USF3: variants seen among roughly 807,000 people sequenced by gnomAD.
USF3 encodes the protein basic helix-loop-helix domain-containing protein USF3.
USF3 carries 29 observed loss-of-function variants against 157.5 expected under a neutral mutation model. The observed-to-expected ratio is 0.18, with a 90% confidence interval of 0.14 to 0.25. The LOEUF (loss-of-function observed/expected upper bound fraction) is 0.25, where lower values mean the gene tolerates loss of function less well. USF3 is among the 10% of genes least tolerant of loss of function. The pLI, the probability that USF3 is intolerant of heterozygous loss-of-function variation, is 1.00. For missense variants in USF3, 2,381 were observed against 2,667.6 expected (o/e 0.89, Z 2.37); for synonymous variants, 893 against 941.4 (o/e 0.95, Z 0.94).
chr3:113,654,957 C>A lies in USF3; in HGVS notation c.6725G>T (p.Ser2242Ile), dbSNP rs753382874. The A allele has an allele frequency of 3.1e-6, 5 of 1,608,696 alleles. No individual in the cohort carries two copies. The highest frequency in any genetic ancestry group is 4.2e-6 in the Non-Finnish European group (5 of 1,176,924). Residue 2242 changes from serine to isoleucine, a missense_variant, in exon 7 of 7, where the codon AGT (serine) becomes ATT (isoleucine). Ser to Ile is a moderately radical substitution (Grantham distance 142). This residue lies in a region of USF3 where 20 missense variants were observed against 36.6 expected (regional missense o/e 0.55). Coordinates refer to ENST00000316407, the MANE Select transcript of USF3 (RefSeq NM_001009899.4). ...NISHILGHDCSSAV is the reference protein window; with the variant it reads ...NISHILGHDCISAV ...GTTTATCAGTATTTAAACAGCTGAA[C>A]TGCAATCATGACCTAGAATATGGCT... is the stretch of plus-strand genomic sequence containing the variant.
chr3:113,673,245 A>G (rs938103463), intron 4 of USF3, 103 bp downstream of exon 4: 5 of 775,888 alleles, frequency 6.4e-6, no homozygotes, highest in Non-Finnish European at 1.1e-5. Context: ...AACATAATGA[A>G]TAATGATTCC....
chr3:113,687,267 C>CACACACA lies in USF3; in HGVS notation c.-135+9102_-135+9103insTGTGTGT, dbSNP rs373264306. ...CACACACACACACACACACACACAC[C>CACACACA]CCCTTTCTAGTACTTCCTTACTTTT... On this transcript the variant is annotated intron_variant, in intron 1 of 6. Transcript: ENST00000316407. 7.9e-3 allele frequency among the ~76,000 whole-genome samples: 1,115 copies of CACACACA among 141,382 alleles called. 6 individuals carry two copies. Among genetic ancestry groups the CACACACA allele is most frequent in the African/African-American group, 0.016 (561 of 34,278 alleles). 92.8% of individuals were successfully genotyped at this position (141,382 alleles called of 152,430 possible).
At chr3:113,677,439 T>C (rs1228672654) in intron 1 of USF3, 42 bp from the exon 2 acceptor site, 2 of 152,198 alleles carry the variant, frequency 1.3e-5, no homozygotes, top group African/African-American at 4.8e-5. Flanking sequence ...AGTTGCTAGG[T>C]GTCCATTAGC....
chr3:113,696,169 T>A (rs13072403), intron 1 of USF3, among the ~76,000 whole-genome samples: 140,484 of 152,248 alleles, frequency 0.92, 65,032 homozygotes, highest in East Asian at 1. Flanking sequence ...AGGGGTGCGC[T>A]CGCCGCGGGC....
intron 1 of USF3, among the ~76,000 whole-genome samples, chr3:113,680,427 T>A (rs551440164): frequency 6.6e-6 from 1 of 152,298 alleles, no homozygotes; most frequent in Non-Finnish European, 1.5e-5. Flanking sequence ...ATTTCTGTGG[T>A]ATCCAATGTA....
Position 113,658,508 on chromosome 3 carries a change from A to G in USF3, c.3174T>C (p.Asp1058=), listed in dbSNP as rs750374840. Residue 1058 remains aspartate, a synonymous_variant, in exon 7 of 7, where the codon GAT becomes GAC. Transcript: ENST00000316407. The stretch of plus-strand genomic sequence containing the variant: ...AGGAATGATGCTGTGGAGGATCTCT[A>G]TCATCATTGTTCATCAGTAATAGTT... The part of the protein sequence containing the change: ...KQELLLMNND[D]RDPPQHHSCL... 2.5e-6 allele frequency: 4 copies of G among 1,614,090 alleles called. No homozygotes were observed. The highest frequency in any genetic ancestry group is 1.7e-5 in the Admixed American group (1 of 60,018).
intron 1 of USF3, among the ~76,000 whole-genome samples, chr3:113,689,887 C>T (rs1352054683): frequency 6.6e-6 from 1 of 152,192 alleles, no homozygotes; most frequent in East Asian, 1.9e-4. Context: ...AACATGAACG[C>T]TTTTCTTTCT....
chr3:113,659,051 A>G lies in USF3; in HGVS notation c.2631T>C (p.Pro877=), dbSNP rs1467411902. The change falls in exon 7 of 7, where the codon CCT becomes CCC. Residue 877 remains proline (P), a synonymous_variant. Coordinates refer to ENST00000316407, the MANE Select transcript of USF3 (RefSeq NM_001009899.4). ...LGVLSSESLI[P]ESVSKSKSAE... Reference sequence around the variant, plus strand: ...CTGACTTAGATTTCGATACAGACTCAGGTATTAATGATTCAGAGCTTAGAA... The same window carrying G: ...CTGACTTAGATTTCGATACAGACTCGGGTATTAATGATTCAGAGCTTAGAA... The G allele has an allele frequency of 8.7e-6, 14 of 1,614,080 alleles. No homozygotes were observed. The highest frequency in any genetic ancestry group is 1.2e-5 in the Non-Finnish European group (14 of 1,180,024).
intron 3 of USF3, among the ~76,000 whole-genome samples, chr3:113,673,744 G>A (rs1451258220): frequency 6.6e-6 from 1 of 152,220 alleles, no homozygotes; most frequent in Non-Finnish European, 1.5e-5. Context: ...TCTGATGTTT[G>A]TCCTGGCACC....
Position 113,659,842 on chromosome 3 carries a change from C to G in USF3, c.1840G>C (p.Gly614Arg). The G allele has an allele frequency of 6.2e-7, 1 of 1,614,196 alleles. No individual in the cohort carries two copies. The highest frequency in any genetic ancestry group is 8.5e-7 in the Non-Finnish European group (1 of 1,180,044). The change falls in exon 7 of 7, where the codon GGG becomes CGG. Residue 614 changes from glycine to arginine, a missense_variant. This residue lies in a region of USF3 where 1,435 missense variants were observed against 1,550.9 expected (regional missense o/e 0.93). Transcript: ENST00000316407. ...LPINGANTVIGSNNSVQNVPT... is the reference protein window; with the variant it reads ...LPINGANTVIRSNNSVQNVPT... Reference sequence around the variant, plus strand: ...ACATTTTGCACTGAATTATTAGACCCTATTACAGTATTGGCTCCATTGATG... The same window carrying G: ...ACATTTTGCACTGAATTATTAGACCGTATTACAGTATTGGCTCCATTGATG...
chr3:113,667,061 T>C (rs1394942070), intron 5 of USF3, among the ~76,000 whole-genome samples: 1 of 152,000 alleles, frequency 6.6e-6, no homozygotes, highest in Non-Finnish European at 1.5e-5. Context: ...TGGTACTTTG[T>C]AGATAACTCT....
chr3:113,679,309 T>C (rs984983749), intron 1 of USF3, among the ~76,000 whole-genome samples: 2 of 152,098 alleles, frequency 1.3e-5, no homozygotes, highest in East Asian at 3.8e-4. Flanking sequence ...ATATAATAAA[T>C]TGCATAAATC....
At chr3:113,679,035 C>G (rs1707349077) in intron 1 of USF3, among the ~76,000 whole-genome samples, 1 of 151,930 alleles carries the variant, frequency 6.6e-6, no homozygotes, top group South Asian at 2.1e-4. Context: ...CTCTCTCTCT[C>G]TCTCTCCAAC....
intron 6 of USF3, among the ~76,000 whole-genome samples, chr3:113,663,245 T>C (rs1012352069): frequency 1.3e-5 from 2 of 152,292 alleles, no homozygotes; most frequent in African/African-American, 4.8e-5. Flanking sequence ...GCAACTTCTA[T>C]TTTTCAACAA....
intron 2 of USF3, among the ~76,000 whole-genome samples, chr3:113,675,757 T>C (rs1559719206): frequency 6.6e-6 from 1 of 152,208 alleles, no homozygotes; most frequent in African/African-American, 2.4e-5. Flanking sequence ...GAGGTTTAAT[T>C]GAGTCACAGC....
intron 1 of USF3, among the ~76,000 whole-genome samples, chr3:113,689,208 C>G (rs184972120): frequency 5.7e-4 from 87 of 152,286 alleles, no homozygotes; most frequent in Non-Finnish European, 1.0e-3. Flanking sequence ...AAATAAGTAC[C>G]CTTTAGAGTC....
chr3:113,674,944 T>C (rs987365498), intron 2 of USF3, 48 bp from the exon 3 acceptor site: 1 of 1,280,614 alleles, frequency 7.8e-7, no homozygotes, highest in African/African-American at 1.5e-5. Flanking sequence ...CATTCTAGAA[T>C]CTTACAAAAA....
Position 113,691,309 on chromosome 3 carries a change from T to C in USF3, c.-135+5061A>G, listed in dbSNP as rs1339796339. The stretch of plus-strand genomic sequence containing the variant: ...TTCTTCCTCCCAACCACCAGTCTTC[T>C]TGAACAAGTTGTTTACACTTACTAC... On this transcript the variant is annotated intron_variant, in intron 1 of 6. Transcript: ENST00000316407. 3.3e-5 allele frequency among the ~76,000 whole-genome samples: 5 copies of C among 152,248 alleles called. No individual in the cohort carries two copies. The South Asian group carries it at 8.3e-4, about 25-fold the overall frequency.
At position 113,696,623 on chromosome 3, in the gene USF3, A is replaced by C. The variant is rs1707808165; in HGVS notation, c.-388T>G. ...CCCTCAAGGCCGGAGACCCGGCGGC[A>C]GCGCGGCCTCAACTTTCCCAGCCCC... On this transcript the variant is annotated 5_prime_UTR_variant, in exon 1 of 7. Coordinates refer to ENST00000316407, the MANE Select transcript of USF3 (RefSeq NM_001009899.4). 1 of 146,150 alleles carries C rather than the reference A, an allele frequency of 6.8e-6. No individual in the cohort carries two copies. Among genetic ancestry groups the C allele is most frequent in the Non-Finnish European group, 1.5e-5 (1 of 66,294 alleles). The allele number at this position is 146,150 out of a possible 1,614,324, so 9.1% of individuals were successfully genotyped here. A position where few individuals can be genotyped will look rare whatever the true frequency, so the allele number is the denominator to read the frequency against.
Sources: gnomAD v4.1 joint callset for allele counts (sites outside exome capture counted in the v4.1 genomes callset) on GRCh38, gnomAD v4.1.1 for gene constraint, gnomAD v4.1.1 regional missense constraint, MANE v1.5 for transcripts, NCBI Gene and HGNC (gene_info 2026-07-23, HGNC 2026-07-21) for gene names.